Variants in SYCE1 observed in about 807,000 individuals in gnomAD.
SYCE1 encodes synaptonemal complex central element protein 1.
SYCE1 carries 37 observed loss-of-function variants against 55.1 expected under a neutral mutation model. The observed-to-expected ratio is 0.67, with a 90% CI of 0.52 to 0.88. SYCE1 has a LOEUF of 0.88. Among genes scored for constraint, SYCE1 ranks in the 40% least tolerant of loss-of-function variants. The pLI is 0.00. For synonymous variants in SYCE1, 163 were observed against 159.4 expected (o/e 1.02, Z -0.17); for missense variants, 399 against 416.4 (o/e 0.96, Z 0.36).
At chr10:133,558,806 T>C (rs10857748) in intron 4 of SYCE1, 71 bp downstream of exon 4, 160,850 of 1,487,782 alleles carry the variant, frequency 0.11, 10,061 homozygotes, top group East Asian at 0.27. Context: ...GGATGCTGAT[T>C]ATCTGGAATA....
chr10:133,560,240 T>C, intron 1 of SYCE1, 87 bp from the exon 2 acceptor site: 1 of 1,174,826 alleles, frequency 8.5e-7, no homozygotes, highest in Non-Finnish European at 1.3e-6. Context: ...AGGGCAGGTC[T>C]CCAGCCAGAG....
chr10:133,567,698 C>A (rs1851980910), upstream of SYCE1: 3 of 221,282 alleles, frequency 1.4e-5, no homozygotes, highest in Non-Finnish European at 2.8e-5. Flanking sequence ...GTTACCACGG[C>A]CCCTGGGCAG....
At chr10:133,554,408 G>T, downstream of SYCE1, 1 of 1,302,796 alleles carries the variant, frequency 7.7e-7, no homozygotes, top group Non-Finnish European at 1.1e-6. Context: ...CCCACCATTG[G>T]TCTTGATTGG....
rs76958158 is a variant in SYCE1, at chr10:133,555,972, T to C, written c.595+9A>G. 2.5e-3 allele frequency: 3,957 copies of C among 1,613,838 alleles called. No homozygotes were observed. In the African/African-American group the frequency reaches 0.046, roughly 19 times the overall value. Reference sequence around the variant, plus strand: ...TCAGATATGGGCCATCCACCTTCCCTGGTCTCACCTTCCTTGAGCAGCTGC... The same window carrying C: ...TCAGATATGGGCCATCCACCTTCCCCGGTCTCACCTTCCTTGAGCAGCTGC... On this transcript the variant is annotated intron_variant, in intron 9 of 12. Coordinates refer to ENST00000343131, the MANE Select transcript of SYCE1 (RefSeq NM_001143764.3).
At chr10:133,566,091 TC>T (rs1394480936), upstream of SYCE1, among the ~76,000 whole-genome samples, 1 of 152,190 alleles carries the variant, frequency 6.6e-6, no homozygotes, top group Non-Finnish European at 1.5e-5. Flanking sequence ...TCCCGTGAGC[TC>T]CATGCCCACA....
At chr10:133,556,955 A>G in intron 7 of SYCE1, 112 bp downstream of exon 7, 1 of 1,478,014 alleles carries the variant, frequency 6.8e-7, no homozygotes, top group Non-Finnish European at 9.5e-7. Context: ...GAACATCTTC[A>G]CCACCTTGAA....
At chr10:133,555,550 A>G (rs3020514) in intron 11 of SYCE1, 47 bp downstream of exon 11, 1,559,980 of 1,603,022 alleles carry the variant, frequency 0.97, 759,682 homozygotes, top group East Asian at 1. Flanking sequence ...ATACAACATC[A>G]GTCATCTTCC....
At chr10:133,558,271 G>A in intron 4 of SYCE1, 57 bp from the exon 5 acceptor site, 1 of 1,591,700 alleles carries the variant, frequency 6.3e-7, no homozygotes, top group South Asian at 1.1e-5. Flanking sequence ...CCTCAGGGAT[G>A]GGGCTTGCTC....
At chr10:133,557,826 G>C (rs1244447110) in intron 6 of SYCE1, 38 bp downstream of exon 6, 3 of 1,606,452 alleles carry the variant, frequency 1.9e-6, no homozygotes, top group South Asian at 1.1e-5. Flanking sequence ...CCAGAATAAA[G>C]AGGTAGTGCA....
rs774987377 is a variant in SYCE1, at chr10:133,555,867, T to G, written c.632A>C (p.His211Pro). ...LVKATLEDVK[H>P]QLCSLCGAEG... is the part of the protein sequence containing the mutation. Reference sequence around the variant, plus strand: ...AGCCCCACACAGGGAGCACAGCTGATGCTTCACGTCTTCCAGTGTCGCCTT... The same window carrying G: ...AGCCCCACACAGGGAGCACAGCTGAGGCTTCACGTCTTCCAGTGTCGCCTT... Residue 211 changes from histidine (H) to proline (P), a missense_variant, in exon 10 of 13, where the codon CAT becomes CCT. By Grantham distance (77) the His-to-Pro change is moderately conservative. Coordinates refer to ENST00000343131, the MANE Select transcript of SYCE1 (RefSeq NM_001143764.3). 3.0e-5 allele frequency: 49 copies of G among 1,614,092 alleles called. No individual in the cohort carries two copies. The highest frequency in any genetic ancestry group is 4.2e-5 in the Non-Finnish European group (49 of 1,179,978).
chr10:133,561,414 C>T (rs554085128), intron 1 of SYCE1, among the ~76,000 whole-genome samples: 1 of 152,176 alleles, frequency 6.6e-6, no homozygotes, highest in South Asian at 2.1e-4. Context: ...TCCCAAAATT[C>T]GCTCCAGATC....
intron 2 of SYCE1, 92 bp from the exon 3 acceptor site, chr10:133,559,452 T>A: frequency 1.6e-6 from 2 of 1,271,610 alleles, no homozygotes; most frequent in Non-Finnish European, 2.3e-6. Flanking sequence ...GCAACACAGA[T>A]CTATTGAGTA....
At chr10:133,555,157 A>G in intron 12 of SYCE1, 28 bp from the exon 13 acceptor site, 1 of 1,537,378 alleles carries the variant, frequency 6.5e-7, no homozygotes, top group Non-Finnish European at 8.8e-7. Context: ...CCAGGGTGGG[A>G]ATTTACACCC....
In SYCE1 at chr10:133,558,166, C is replaced by A. The variant is rs780185568; in HGVS notation, c.319+1G>T. 1 of 1,614,062 alleles carries A rather than the reference C, an allele frequency of 6.2e-7. No homozygotes were observed. The highest frequency in any genetic ancestry group is 1.3e-5 in the African/African-American group (1 of 74,916). ...CCTGGAGACAGGGGAGCGGCAAATA[C>A]CTTGTTTTTTGCTCAAGATCTCCTT... On this transcript the variant is annotated splice_donor_variant, in intron 5 of 12. Transcript: ENST00000343131. LOFTEE classifies it high-confidence loss of function.
intron 1 of SYCE1, among the ~76,000 whole-genome samples, chr10:133,562,713 A>G (rs768231509): frequency 1.7e-4 from 26 of 152,238 alleles, no homozygotes; most frequent in Middle Eastern, 3.4e-3. Flanking sequence ...ACTTAGAAAT[A>G]TTTTTTTAAT....
Position 133,555,775 on chromosome 10 carries a change from C to A in SYCE1, c.719+5G>T. On this transcript the variant is annotated splice_donor_5th_base_variant and intron_variant, in intron 10 of 12. Transcript: ENST00000343131. ...CCTCCCACCCTCTTCCCCTCCACAT[C>A]TTACACTGTGGCTGCAGCCTCCTGG... 6.2e-7 allele frequency: 1 copy of A among 1,612,330 alleles called. No individual in the cohort carries two copies. Among genetic ancestry groups the A allele is most frequent in the Non-Finnish European group, 8.5e-7 (1 of 1,179,900 alleles).
At chr10:133,567,920 C>G (rs547329508), upstream of SYCE1, 2 of 532,226 alleles carry the variant, frequency 3.8e-6, no homozygotes, top group Non-Finnish European at 7.2e-6. Flanking sequence ...AGGTGGATGG[C>G]GAGGCAGCAT....
At chr10:133,568,180 C>A (rs1342818493), upstream of SYCE1, 4 of 1,024,280 alleles carry the variant, frequency 3.9e-6, no homozygotes, top group Non-Finnish European at 5.9e-6. Flanking sequence ...CGCCCGAAGT[C>A]CACGTACAGT....
chr10:133,555,066 G>A lies in SYCE1; in HGVS notation c.982C>T (p.Leu328Phe), dbSNP rs1166636214. The change falls in exon 13 of 13, where the codon CTC (leucine) becomes TTC (phenylalanine). Residue 328 changes from leucine to phenylalanine, a missense_variant. By Grantham distance (22) the Leu-to-Phe change is conservative (BLOSUM62 0). Coordinates refer to ENST00000343131, the MANE Select transcript of SYCE1 (RefSeq NM_001143764.3). ...TGGAGTGTGTCCTCCTGGCCTATGAGGACATCAGGCCCTGCTTGGTGTGCA... is the reference window on the plus strand; with the variant it reads ...TGGAGTGTGTCCTCCTGGCCTATGAAGACATCAGGCCCTGCTTGGTGTGCA... ...GAAHQAGPDV[L>F]IGQEDTLHPD... 4.5e-6 allele frequency: 7 copies of A among 1,551,506 alleles called. No individual in the cohort carries two copies. The highest frequency in any genetic ancestry group is 1.7e-4 in the Middle Eastern group (1 of 5,878).
Sources: gnomAD v4.1 joint callset for allele counts (sites outside exome capture counted in the v4.1 genomes callset) on GRCh38, gnomAD v4.1.1 for gene constraint, MANE v1.5 for transcripts, NCBI Gene and HGNC (gene_info 2026-07-23, HGNC 2026-07-21) for gene names.